The following TRDN variants were observed in gnomAD, a reference collection of about 807,000 sequenced individuals.
The protein encoded by TRDN is triadin in skeletal muscle.
In TRDN, 161 loss-of-function variants were observed where a neutral mutation model predicts 149.7. That is an observed-to-expected ratio of 1.08 (90% CI 0.95 to 1.23). The LOEUF (loss-of-function observed/expected upper bound fraction) is 1.23, where lower values mean the gene tolerates loss of function less well. Among genes scored for constraint, TRDN ranks in the 50% most tolerant of loss-of-function variants. The pLI is 0.00. For synonymous variants in TRDN, 294 were observed against 250.5 expected, an observed-to-expected ratio of 1.17 and a Z score of -1.64; for missense variants, 896 against 823.5, an observed-to-expected ratio of 1.09 and a Z score of -1.08.
At chr6:123,492,455 C>T (rs1351700054) in intron 9 of TRDN, among the ~76,000 whole-genome samples, 1 of 152,106 alleles carries the variant, frequency 6.6e-6, no homozygotes, top group East Asian at 1.9e-4. Context: ...TTCTTCCTTA[C>T]AGAAATTTGT....
intron 4 of TRDN, among the ~76,000 whole-genome samples, chr6:123,531,530 T>C (rs968129871): frequency 1.2e-4 from 19 of 152,104 alleles, no homozygotes; most frequent in African/African-American, 4.3e-4. Context: ...TTCATTCACC[T>C]GTTAAGGAGG....
intron 21 of TRDN, among the ~76,000 whole-genome samples, chr6:123,340,657 T>C (rs1780033339): frequency 6.6e-6 from 1 of 152,044 alleles, no homozygotes; most frequent in African/African-American, 2.4e-5. Context: ...TTTGTAGTTA[T>C]AAGATGCTTG....
chr6:123,304,110 A>G lies in TRDN; in HGVS notation c.1510+12347T>C, dbSNP rs144596568. Among the ~76,000 whole-genome samples, 439 of 152,222 alleles carry G rather than the reference A, an allele frequency of 2.9e-3. 3 individuals carry two copies. The highest frequency in any genetic ancestry group is 0.01 in the African/African-American group (416 of 41,534). The stretch of plus-strand genomic sequence containing the variant: ...GATAAGAGCAAAAGAAAAAAGGACA[A>G]TGGAAGAGATGTTGAGTTCAATTTT... On this transcript the variant is annotated intron_variant, in intron 24 of 40. Transcript: ENST00000334268.
chr6:123,502,000 T>C, intron 8 of TRDN: 2 of 985,054 alleles, frequency 2.0e-6, no homozygotes, highest in Non-Finnish European at 2.4e-6. Flanking sequence ...AAAAAATACA[T>C]TCACATTCCT....
At chr6:123,507,242 T>C (rs1487896701) in intron 7 of TRDN, among the ~76,000 whole-genome samples, 1 of 152,128 alleles carries the variant, frequency 6.6e-6, no homozygotes, top group Non-Finnish European at 1.5e-5. Flanking sequence ...CTACTCCTTG[T>C]AAGTTACAGT....
Position 123,277,476 on chromosome 6 carries a change from A to C in TRDN, c.1567+842T>G, listed in dbSNP as rs79291061. On this transcript the variant is annotated intron_variant, in intron 26 of 40. Coordinates refer to ENST00000334268, the MANE Select transcript of TRDN (RefSeq NM_006073.4). ...ACTTGTTTGTAAATAGGGTTATTGC[A>C]GATGTAATTAGTTAAGATGTGGTCA... 1.7e-3 allele frequency among the ~76,000 whole-genome samples: 264 copies of C among 152,264 alleles called. 7 individuals carry two copies. The East Asian group carries it at 0.048, about 28-fold the overall frequency.
chr6:123,628,065 A>G (rs1225500099), intron 1 of TRDN, among the ~76,000 whole-genome samples: 1 of 152,178 alleles, frequency 6.6e-6, no homozygotes, highest in Non-Finnish European at 1.5e-5. Flanking sequence ...CTTTCTTATC[A>G]TTCATGTGTT....
At chr6:123,497,599 A>G (rs1389277772) in intron 8 of TRDN, among the ~76,000 whole-genome samples, 2 of 152,160 alleles carry the variant, frequency 1.3e-5, no homozygotes, top group East Asian at 3.9e-4. Flanking sequence ...CATTTTATAA[A>G]CTTTCAATAA....
At chr6:123,274,017 C>G (rs1582809052) in intron 27 of TRDN, among the ~76,000 whole-genome samples, 2 of 152,166 alleles carry the variant, frequency 1.3e-5, no homozygotes, top group Middle Eastern at 6.8e-3. Flanking sequence ...TGGTGCAAAT[C>G]AGACACGGGG....
intron 12 of TRDN, among the ~76,000 whole-genome samples, chr6:123,405,107 G>T (rs973831409): frequency 1.3e-5 from 2 of 152,192 alleles, no homozygotes; most frequent in African/African-American, 2.4e-5. Context: ...GAACTATTCT[G>T]TAAAGCATAA....
intron 5 of TRDN, among the ~76,000 whole-genome samples, chr6:123,519,857 T>A (rs1388202512): frequency 2.0e-5 from 3 of 152,146 alleles, no homozygotes; most frequent in African/African-American, 7.2e-5. Flanking sequence ...TTCCTCTCAT[T>A]TTCACATTTC....
chr6:123,483,922 A>G (rs765924469), intron 9 of TRDN, among the ~76,000 whole-genome samples: 42 of 152,198 alleles, frequency 2.8e-4, no homozygotes, highest in Non-Finnish European at 5.6e-4. Context: ...GAATAACAGT[A>G]TTATTATGTC....
intron 10 of TRDN, chr6:123,464,704 A>T (rs1776685222): frequency 2.0e-5 from 27 of 1,357,956 alleles, no homozygotes; most frequent in Non-Finnish European, 2.6e-5. Flanking sequence ...GAGGGTCACC[A>T]ATATAGAATC....
At chr6:123,230,556 A>C (rs1351954139) in intron 38 of TRDN, among the ~76,000 whole-genome samples, 1 of 151,620 alleles carries the variant, frequency 6.6e-6, no homozygotes, top group Non-Finnish European at 1.5e-5. Flanking sequence ...AATAATAATA[A>C]AAAGAAAAAT....
rs554087667 is a variant in TRDN at position 123,224,119 on chromosome 6, T to C, written c.1988A>G (p.Asp663Gly). Residue 663 changes from aspartate to glycine, a missense_variant, in exon 39 of 41, where the codon GAT becomes GGT. Physicochemically the swap from Asp to Gly is moderately conservative, Grantham distance 94. Transcript: ENST00000334268. ...TTTAGCTTTCTTTGAAGCTGGTACA[T>C]CTTCAACATCTTCTAGAGTACAGAA... ...KPARVSKDVE[D>G]VPASKKAKEG... 6.2e-7 allele frequency: 1 copy of C among 1,610,330 alleles called. No homozygotes were observed. Among genetic ancestry groups the C allele is most frequent in the Admixed American group, 1.7e-5 (1 of 59,778 alleles).
intron 12 of TRDN, among the ~76,000 whole-genome samples, chr6:123,407,251 C>CT (rs1212925966): frequency 6.6e-6 from 1 of 152,162 alleles, no homozygotes; most frequent in East Asian, 1.9e-4. Context: ...AAGTTGCTTT[C>CT]TGCTTATACC....
At chr6:123,585,496 C>A (rs561737994) in intron 1 of TRDN, among the ~76,000 whole-genome samples, 1 of 151,944 alleles carries the variant, frequency 6.6e-6, no homozygotes, top group Non-Finnish European at 1.5e-5. Flanking sequence ...TAGAGTTACC[C>A]GAAGCTCGGC....
At chr6:123,582,597 C>T (rs932066952) in intron 1 of TRDN, among the ~76,000 whole-genome samples, 1 of 152,026 alleles carries the variant, frequency 6.6e-6, no homozygotes, top group African/African-American at 2.4e-5. Context: ...AAAACAATGT[C>T]ATCAGTTAAG....
chr6:123,600,393 G>C (rs1784226573), intron 1 of TRDN, among the ~76,000 whole-genome samples: 1 of 151,998 alleles, frequency 6.6e-6, no homozygotes, highest in African/African-American at 2.4e-5. Flanking sequence ...AGTAGGAGCT[G>C]AGAAAGGAGG....
Sources: gnomAD v4.1 joint callset for allele counts (sites outside exome capture counted in the v4.1 genomes callset) on GRCh38, gnomAD v4.1.1 for gene constraint, MANE v1.5 for transcripts, NCBI Gene and HGNC (gene_info 2026-07-23, HGNC 2026-07-21) for gene names.